The following PPARGC1A variants were observed in gnomAD, a reference collection of about 807,000 sequenced individuals.
PPARGC1A encodes peroxisome proliferator-activated receptor gamma coactivator 1-alpha.
A neutral mutation model predicts 88.7 loss-of-function variants in PPARGC1A; 25 were observed. The ratio of observed to expected loss-of-function variants is 0.28; its 90% CI spans 0.21 to 0.39. The LOEUF (loss-of-function observed/expected upper bound fraction) is 0.39, where lower values mean the gene tolerates loss of function less well. Among genes scored for constraint, PPARGC1A ranks in the 10% least tolerant of loss-of-function variants. The probability of loss-of-function intolerance (pLI) is 1.00; values close to 1 mark genes in which losing one functional copy is unlikely to be tolerated. For synonymous variants in PPARGC1A, 363 were observed against 355.6 expected (o/e 1.02, Z -0.24); for missense variants, 880 against 968.7 (o/e 0.91, Z 1.22).
the PPARGC1A span, among the ~76,000 whole-genome samples, chr4:23,989,476 A>G: frequency 6.6e-6 from 1 of 152,120 alleles, no homozygotes; most frequent in East Asian, 1.9e-4. Flanking sequence ...CTGCAGGAAA[A>G]TTGGGGAGAG....
the PPARGC1A span, among the ~76,000 whole-genome samples, chr4:24,206,324 A>G: frequency 6.6e-6 from 1 of 152,238 alleles, no homozygotes; most frequent in East Asian, 1.9e-4. Context: ...TAACAAAAAT[A>G]ATGAAAACAA....
the PPARGC1A span, among the ~76,000 whole-genome samples, chr4:24,155,124 T>G: frequency 1.7e-5 from 2 of 114,384 alleles, no homozygotes; most frequent in African/African-American, 4.1e-5. Context: ...TCGGTTTTGT[T>G]TTTTTTTTTT....
At chr4:24,095,038 A>G in the PPARGC1A span, among the ~76,000 whole-genome samples, 1 of 152,064 alleles carries the variant, frequency 6.6e-6, no homozygotes, top group African/African-American at 2.4e-5. Flanking sequence ...TTTCAAATGC[A>G]AGTGCTAATA....
the PPARGC1A span, among the ~76,000 whole-genome samples, chr4:24,117,464 A>T: frequency 6.6e-6 from 1 of 151,934 alleles, no homozygotes; most frequent in African/African-American, 2.4e-5. Flanking sequence ...CAACAAAAAA[A>T]CTTCTGCCCT....
the PPARGC1A span, among the ~76,000 whole-genome samples, chr4:24,324,138 G>T: frequency 3.3e-5 from 5 of 152,220 alleles, no homozygotes; most frequent in African/African-American, 1.2e-4. Flanking sequence ...AAACCACGCA[G>T]GGACGCCTGC....
the PPARGC1A span, among the ~76,000 whole-genome samples, chr4:24,279,657 G>T: frequency 8.5e-5 from 13 of 152,104 alleles, no homozygotes; most frequent in Admixed American, 7.2e-4. Context: ...GCCACAGATG[G>T]TGACAAAGCT....
chr4:24,297,189 C>T, the PPARGC1A span, among the ~76,000 whole-genome samples: 1 of 152,122 alleles, frequency 6.6e-6, no homozygotes, highest in Admixed American at 6.6e-5. Flanking sequence ...TTAATAAACA[C>T]CTACTATATA....
At chr4:24,028,009 T>C in the PPARGC1A span, among the ~76,000 whole-genome samples, 2 of 152,072 alleles carry the variant, frequency 1.3e-5, no homozygotes, top group South Asian at 4.1e-4. Flanking sequence ...CCCCATTTAA[T>C]AGGTGAGGAG....
chr4:23,884,866 T>C lies in PPARGC1A; in HGVS notation c.120A>G (p.Glu40=). 2 of 1,613,766 alleles carry C rather than the reference T, an allele frequency of 1.2e-6. No individual in the cohort carries two copies. The highest frequency in any genetic ancestry group is 4.5e-5 in the East Asian group (2 of 44,844). The stretch of plus-strand genomic sequence containing the variant: ...CTGTATCCAAGTCGTTCACATCTAG[T>C]TCAGAAAGATCAAGTTCAGGAAGAT... ...CPDLPELDLS[E]LDVNDLDTDS... Residue 40 remains glutamate (E), a synonymous_variant, in exon 2 of 13, where the codon GAA becomes GAG. Coordinates refer to ENST00000264867, the MANE Select transcript of PPARGC1A (RefSeq NM_013261.5).
At chr4:24,446,443 G>A in the PPARGC1A span, among the ~76,000 whole-genome samples, 1 of 152,092 alleles carries the variant, frequency 6.6e-6, no homozygotes, top group Non-Finnish European at 1.5e-5. Context: ...TTTTGCCATT[G>A]AGTTGTAGGA....
the PPARGC1A span, among the ~76,000 whole-genome samples, chr4:23,956,251 A>G: frequency 6.6e-6 from 1 of 152,064 alleles, no homozygotes; most frequent in Admixed American, 6.6e-5. Context: ...GTACATGCCC[A>G]TCACCTGTGG....
At chr4:24,341,080 A>G in the PPARGC1A span, among the ~76,000 whole-genome samples, 1 of 152,190 alleles carries the variant, frequency 6.6e-6, no homozygotes, top group South Asian at 2.1e-4. Context: ...ATTAAAGAAC[A>G]TGACAAAAAT....
At chr4:24,434,207 C>A in the PPARGC1A span, among the ~76,000 whole-genome samples, 76 of 152,350 alleles carry the variant, frequency 5.0e-4, no homozygotes, top group African/African-American at 1.8e-3. Flanking sequence ...CACCACCTCT[C>A]ATACGGATTT....
the PPARGC1A span, among the ~76,000 whole-genome samples, chr4:24,315,559 C>G: frequency 6.6e-6 from 1 of 152,170 alleles, no homozygotes; most frequent in Admixed American, 6.5e-5. Flanking sequence ...CTAGCTCTGC[C>G]CAAGCCAAAG....
chr4:24,301,048 G>GAA, the PPARGC1A span, among the ~76,000 whole-genome samples: 1 of 148,604 alleles, frequency 6.7e-6, no homozygotes, highest in South Asian at 2.1e-4. Context: ...TAAAGAGAAG[G>GAA]AAAAAAAAAA....
At chr4:24,396,215 G>A in the PPARGC1A span, among the ~76,000 whole-genome samples, 2 of 152,172 alleles carry the variant, frequency 1.3e-5, no homozygotes, top group Non-Finnish European at 2.9e-5. Flanking sequence ...CTCCAGAGCA[G>A]GTGTGCAGTC....
chr4:24,177,953 T>A, the PPARGC1A span, among the ~76,000 whole-genome samples: 1 of 152,236 alleles, frequency 6.6e-6, no homozygotes, highest in African/African-American at 2.4e-5. Context: ...AAGGTTACCT[T>A]GTAAGGGAAC....
chr4:24,301,936 C>T, the PPARGC1A span, among the ~76,000 whole-genome samples: 2 of 152,078 alleles, frequency 1.3e-5, no homozygotes, highest in African/African-American at 2.4e-5. Context: ...TCTAAAATCG[C>T]CCTGTCAGGG....
intron 2 of PPARGC1A, among the ~76,000 whole-genome samples, chr4:23,870,909 A>G (rs958859168): frequency 6.6e-6 from 1 of 151,930 alleles, no homozygotes; most frequent in Non-Finnish European, 1.5e-5. Context: ...AAAATAAACC[A>G]GCAACTAAAG....
Sources: gnomAD v4.1 joint callset for allele counts (sites outside exome capture counted in the v4.1 genomes callset) on GRCh38, gnomAD v4.1.1 for gene constraint, MANE v1.5 for transcripts, NCBI Gene and HGNC (gene_info 2026-07-23, HGNC 2026-07-21) for gene names.